MCTP1: variants seen among roughly 807,000 people sequenced by gnomAD.
MCTP1 encodes multiple C2 and transmembrane domain containing 1, also known as multiple C2 and transmembrane domain-containing protein 1.
In MCTP1, 69 loss-of-function variants were observed where a neutral mutation model predicts 120.6. The ratio of observed to expected loss-of-function variants is 0.57; its 90% CI spans 0.47 to 0.70. The LOEUF (loss-of-function observed/expected upper bound fraction) is 0.70, where lower values mean the gene tolerates loss of function less well. MCTP1 is among the 30% of genes least tolerant of loss of function. MCTP1 has a pLI of 0.00. For synonymous variants in MCTP1, 529 were observed against 493.1 expected (o/e 1.07, Z -0.96); for missense variants, 1,203 against 1,248.8 (o/e 0.96, Z 0.55).
At chr5:94,965,770 A>C (rs1378148052) in intron 2 of MCTP1, among the ~76,000 whole-genome samples, 4 of 152,204 alleles carry the variant, frequency 2.6e-5, no homozygotes, top group African/African-American at 9.7e-5. Context: ...AGTGATTCGG[A>C]AGTGATTAGG....
intron 19 of MCTP1, among the ~76,000 whole-genome samples, chr5:94,745,860 T>TA (rs1254388859): frequency 2.0e-5 from 3 of 152,210 alleles, no homozygotes; most frequent in Non-Finnish European, 1.5e-5. Flanking sequence ...ATTGATATTG[T>TA]ACCAGATGTT....
intron 1 of MCTP1, among the ~76,000 whole-genome samples, chr5:95,215,740 T>A (rs1302502135): frequency 6.6e-6 from 1 of 151,904 alleles, no homozygotes; most frequent in African/African-American, 2.4e-5. Context: ...AAGAATAGGG[T>A]AAAAAAAATT....
At chr5:95,219,548 C>T (rs1435929855) in intron 1 of MCTP1, among the ~76,000 whole-genome samples, 1 of 152,092 alleles carries the variant, frequency 6.6e-6, no homozygotes, top group South Asian at 2.1e-4. Context: ...TCTAATCGCC[C>T]TGGACTCCCT....
At chr5:95,034,494 A>G (rs1840887207) in intron 1 of MCTP1, among the ~76,000 whole-genome samples, 1 of 152,096 alleles carries the variant, frequency 6.6e-6, no homozygotes, top group African/African-American at 2.4e-5. Context: ...TATTTGATAA[A>G]TAGTGCTGGG....
intron 1 of MCTP1, among the ~76,000 whole-genome samples, chr5:95,175,037 C>T (rs533386060): frequency 6.1e-4 from 92 of 151,914 alleles, no homozygotes; most frequent in Non-Finnish European, 1.1e-3. Flanking sequence ...AAAATCTATG[C>T]TTAAGTAAAT....
chr5:94,774,207 CAAAAAAAAAAAAAAAAAAAAAAAAAA>C (rs70978130), intron 19 of MCTP1, among the ~76,000 whole-genome samples: 3 of 4,182 alleles, frequency 7.2e-4, no homozygotes, highest in Admixed American at 0.011. Context: ...GACTCCGTCT[CAAAAAAAAAAAAAAAAAAAAAAAAAA>C]AAAAAAAAAA....
Position 94,870,497 on chromosome 5 carries a change from C to T in MCTP1, c.2242-6G>A, listed in dbSNP as rs159032. The T allele has an allele frequency of 0.22, 347,605 of 1,575,228 alleles. 40,626 individuals carry two copies. Among genetic ancestry groups the T allele is most frequent in the Non-Finnish European group, 0.24 (277,562 of 1,144,572 alleles). On this transcript the variant is annotated splice_region_variant and splice_polypyrimidine_tract_variant and intron_variant, in intron 15 of 22. Transcript: ENST00000515393. ...GTTCGTAAGCTGGCTTTCACCTATA[C>T]ATCAACATATGTGTCTGTTATGGAT...
At chr5:94,868,501 T>C in intron 16 of MCTP1, 49 bp from the exon 17 acceptor site, 1 of 1,407,826 alleles carries the variant, frequency 7.1e-7, no homozygotes, top group Non-Finnish European at 9.5e-7. Context: ...CTAAAAACCA[T>C]CAGATATACT....
intron 1 of MCTP1, among the ~76,000 whole-genome samples, chr5:95,034,775 A>G (rs1207857322): frequency 2.0e-5 from 3 of 152,050 alleles, no homozygotes; most frequent in Non-Finnish European, 4.4e-5. Context: ...TCAACAGAGT[A>G]GACAGACAAC....
chr5:94,848,538 T>C (rs749584652), intron 17 of MCTP1, among the ~76,000 whole-genome samples: 23 of 152,084 alleles, frequency 1.5e-4, no homozygotes, highest in Non-Finnish European at 2.9e-4. Context: ...GTTCCTGAAA[T>C]TGCACTCTGT....
chr5:94,941,046 T>C (rs973132697), intron 4 of MCTP1, among the ~76,000 whole-genome samples: 8 of 152,038 alleles, frequency 5.3e-5, no homozygotes, highest in African/African-American at 1.7e-4. Flanking sequence ...TGCTCATGTA[T>C]AAATAATCTC....
At chr5:94,781,141 T>A (rs2152945522) in intron 18 of MCTP1, among the ~76,000 whole-genome samples, 1 of 152,152 alleles carries the variant, frequency 6.6e-6, no homozygotes, top group South Asian at 2.1e-4. Flanking sequence ...TATTTTTTTT[T>A]TTTTTGCTGA....
At chr5:94,871,278 G>T in intron 14 of MCTP1, 37 bp downstream of exon 14, 1 of 1,189,800 alleles carries the variant, frequency 8.4e-7, no homozygotes, top group Non-Finnish European at 1.2e-6. Context: ...GTGAGCAAAA[G>T]CAACACAGAA....
At chr5:94,754,171 A>G (rs930722175) in intron 19 of MCTP1, among the ~76,000 whole-genome samples, 10 of 152,222 alleles carry the variant, frequency 6.6e-5, no homozygotes, top group Non-Finnish European at 1.2e-4. Context: ...TACTCAAGGA[A>G]AAAAGGACTG....
intron 2 of MCTP1, among the ~76,000 whole-genome samples, chr5:95,006,359 G>GTA (rs377389719): frequency 0.019 from 2,806 of 150,084 alleles, 27 homozygotes; most frequent in Middle Eastern, 0.028. Flanking sequence ...GGGTGTATTT[G>GTA]TATATATATA....
intron 12 of MCTP1, among the ~76,000 whole-genome samples, chr5:94,875,340 C>T (rs1798606464): frequency 6.6e-6 from 1 of 151,974 alleles, no homozygotes; most frequent in South Asian, 2.1e-4. Context: ...CCAGGAATAT[C>T]CAGGAAGCCG....
intron 1 of MCTP1, among the ~76,000 whole-genome samples, chr5:95,275,984 C>A (rs918020950): frequency 1.3e-5 from 2 of 152,100 alleles, no homozygotes; most frequent in Non-Finnish European, 2.9e-5. Flanking sequence ...GACACAGAGA[C>A]AATGAACCAT....
chr5:95,170,392 T>C (rs1401197064), intron 1 of MCTP1, among the ~76,000 whole-genome samples: 1 of 152,256 alleles, frequency 6.6e-6, no homozygotes, highest in Non-Finnish European at 1.5e-5. Context: ...ATTCTGTTGA[T>C]TTCAGGTGGA....
chr5:95,129,956 C>T (rs2152422105), intron 1 of MCTP1, among the ~76,000 whole-genome samples: 1 of 152,070 alleles, frequency 6.6e-6, no homozygotes, highest in East Asian at 1.9e-4. Flanking sequence ...CCACCCTGCC[C>T]AGCCAGAGGA....
Sources: gnomAD v4.1 joint callset for allele counts (sites outside exome capture counted in the v4.1 genomes callset) on GRCh38, gnomAD v4.1.1 for gene constraint, MANE v1.5 for transcripts, NCBI Gene and HGNC (gene_info 2026-07-23, HGNC 2026-07-21) for gene names.